The following ZMPSTE24 variants were observed in gnomAD, a reference collection of about 807,000 sequenced individuals.
The protein encoded by ZMPSTE24 is zinc metallopeptidase STE24.
In ZMPSTE24, 48 loss-of-function variants were observed where a neutral mutation model predicts 56.7. That is an observed-to-expected ratio of 0.85 (90% CI 0.67 to 1.08). ZMPSTE24 has a LOEUF of 1.08. Ranked by LOEUF, ZMPSTE24 falls within the 50% of genes least tolerant of loss-of-function variation. The pLI is 0.00. For synonymous variants in ZMPSTE24, 172 were observed against 195.2 expected, an observed-to-expected ratio of 0.88 and a Z score of 0.99; for missense variants, 503 against 548.7, an observed-to-expected ratio of 0.92 and a Z score of 0.83.
chr1:40,284,987 G>A lies in ZMPSTE24; in HGVS notation c.955-938G>A, dbSNP rs67833813. Among the ~76,000 whole-genome samples, 506 of 146,858 alleles carry A rather than the reference G, an allele frequency of 3.4e-3. 5 individuals carry two copies. The highest frequency in any genetic ancestry group is 0.019 in the South Asian group (88 of 4,676). ...TTCACCTAGGTTGGAGTACAGTGGC[G>A]TGATCTTGGCTCACTACAGACTACG... On this transcript the variant is annotated intron_variant, in intron 7 of 9. Coordinates refer to ENST00000372759, the MANE Select transcript of ZMPSTE24 (RefSeq NM_005857.5).
At position 40,285,093 on chromosome 1, in the gene ZMPSTE24, T is replaced by TTTA. The variant is rs148578925; in HGVS notation, c.955-805_955-803dup. Among the ~76,000 whole-genome samples, 695 of 144,732 alleles carry TTTA rather than the reference T, an allele frequency of 4.8e-3. 2 individuals are homozygous for TTTA. Among genetic ancestry groups the TTTA allele is most frequent in the East Asian group, 0.014 (68 of 4,912 alleles). 94.9% of individuals were successfully genotyped at this position (144,732 alleles called of 152,430 possible). On this transcript the variant is annotated intron_variant, in intron 7 of 9. Transcript: ENST00000372759. ...GGCATGCACCACCATGCCTGGCTAA[T>TTTA]TTATTATTATTATTATTATTATTAT...
rs999580994 is a variant in ZMPSTE24, at chr1:40,293,219, A to G, written c.*550A>G. The G allele has an allele frequency of 2.6e-5, 4 of 152,762 alleles. No homozygotes were observed. The highest frequency in any genetic ancestry group is 7.2e-5 in the African/African-American group (3 of 41,454). The allele number at this position is 152,762 out of a possible 1,614,324, so 9.5% of individuals were successfully genotyped here. A position where few individuals can be genotyped will look rare whatever the true frequency, so the allele number is the denominator to read the frequency against. On this transcript the variant is annotated 3_prime_UTR_variant, in exon 10 of 10. Coordinates refer to ENST00000372759, the MANE Select transcript of ZMPSTE24 (RefSeq NM_005857.5). ...AGAAAAATGCTCTCCTATTCTACCA[A>G]ATTTTTAATTTCTTTCTTCCCTTTC...
At chr1:40,267,898 GT>G in intron 3 of ZMPSTE24, 26 bp downstream of exon 3, 1 of 1,589,250 alleles carries the variant, frequency 6.3e-7, no homozygotes, top group Non-Finnish European at 8.6e-7. Context: ...GCATGTATTT[GT>G]CATGGTATTT....
chr1:40,273,533 AAAAAATATATAT>A (rs1643634090), intron 6 of ZMPSTE24, among the ~76,000 whole-genome samples: 1 of 57,104 alleles, frequency 1.8e-5, no homozygotes, highest in Non-Finnish European at 3.0e-5. Flanking sequence ...AAAAAAAAAA[AAAAAATATATAT>A]ATATATATAT....
chr1:40,261,660 C>T (rs948178510), intron 2 of ZMPSTE24, among the ~76,000 whole-genome samples: 5 of 152,042 alleles, frequency 3.3e-5, no homozygotes, highest in Admixed American at 2.6e-4. Context: ...GCATATAGTT[C>T]CTATTTATTG....
rs1232020650 is a variant in ZMPSTE24, at chr1:40,270,488, GAA to G, written c.627+363_627+364del. On this transcript the variant is annotated intron_variant, in intron 5 of 9. Transcript: ENST00000372759. ...CCTAAAATCATGGTTATTTTGAAGA[GAA>G]ATGAGATTTAAGAGGGACAAGAGAA... Among the ~76,000 whole-genome samples, 3 of 152,142 alleles carry G rather than the reference GAA, an allele frequency of 2.0e-5. No homozygotes were observed. The East Asian group carries it at 5.8e-4, about 29-fold the overall frequency.
intron 6 of ZMPSTE24, among the ~76,000 whole-genome samples, chr1:40,278,426 C>T (rs924500758): frequency 6.6e-6 from 1 of 150,748 alleles, no homozygotes; most frequent in South Asian, 2.1e-4. Flanking sequence ...GGCGTGGTAG[C>T]GGGCGCCTGT....
intron 6 of ZMPSTE24, among the ~76,000 whole-genome samples, chr1:40,280,615 A>G (rs1382183006): frequency 7.2e-5 from 11 of 151,986 alleles, no homozygotes; most frequent in African/African-American, 2.4e-4. Context: ...TGGTAGAGAC[A>G]GGGTTTCACC....
chr1:40,259,250 TAAA>T (rs1041504861), intron 1 of ZMPSTE24: 2 of 152,158 alleles, frequency 1.3e-5, no homozygotes, highest in African/African-American at 4.8e-5. Flanking sequence ...AATGGTAAAA[TAAA>T]AAGTGAAAGT....
Position 40,281,484 on chromosome 1 carries a change from A to T in ZMPSTE24, c.911A>T (p.Asn304Ile), listed in dbSNP as rs915948366. ...GAGGATTCTGGCATGGAACCCCGCA[A>T]TGAGGAAGAAGGGAACAGTGAAGAA... is the stretch of plus-strand genomic sequence containing the variant. ...IQEDSGMEPR[N>I]EEEGNSEEIK... Residue 304 changes from asparagine (N) to isoleucine (I), a missense_variant, in exon 7 of 10, where the codon AAT (asparagine) becomes ATT (isoleucine). Transcript: ENST00000372759. The T allele has an allele frequency of 6.2e-7, 1 of 1,614,134 alleles. No individual in the cohort carries two copies. Among genetic ancestry groups the T allele is most frequent in the Admixed American group, 1.7e-5 (1 of 60,034 alleles).
intron 6 of ZMPSTE24, among the ~76,000 whole-genome samples, chr1:40,277,465 G>A (rs1446810298): frequency 6.6e-6 from 1 of 152,120 alleles, no homozygotes; most frequent in Non-Finnish European, 1.5e-5. Flanking sequence ...CATTCCCAGA[G>A]ATTCTGACTT....
At chr1:40,279,483 G>GCAATATTCT (rs1415317088) in intron 6 of ZMPSTE24, among the ~76,000 whole-genome samples, 13 of 152,126 alleles carry the variant, frequency 8.5e-5, no homozygotes, top group Admixed American at 2.6e-4. Flanking sequence ...ATTTCTGTAG[G>GCAATATTCT]GTAAAACTCT....
chr1:40,267,004 G>A (rs1353809716), intron 2 of ZMPSTE24, among the ~76,000 whole-genome samples: 1 of 138,136 alleles, frequency 7.2e-6, no homozygotes, highest in East Asian at 2.1e-4. Flanking sequence ...CTGAGCACAA[G>A]CAATCTGCCT....
chr1:40,268,133 A>G (rs995157149), intron 3 of ZMPSTE24, among the ~76,000 whole-genome samples: 1 of 152,226 alleles, frequency 6.6e-6, no homozygotes, highest in African/African-American at 2.4e-5. Flanking sequence ...ACTTTCTTCC[A>G]TGTGGTAAGC....
Position 40,293,789 on chromosome 1 carries a change from A to G in ZMPSTE24, c.*1120A>G, listed in dbSNP as rs544824256. 27 of 152,312 alleles carry G rather than the reference A, an allele frequency of 1.8e-4. No individual in the cohort carries two copies. The highest frequency in any genetic ancestry group is 5.1e-4 in the African/African-American group (21 of 41,568). 9.4% of individuals were successfully genotyped at this position (152,312 alleles called of 1,614,324 possible). A position where few individuals can be genotyped will look rare whatever the true frequency, so the allele number is the denominator to read the frequency against. ...TGAATGATTTCCAGTTTTTAAAGCTATATGTTTCACTGCTTCATATCTCTG... is the reference window on the plus strand; with the variant it reads ...TGAATGATTTCCAGTTTTTAAAGCTGTATGTTTCACTGCTTCATATCTCTG... On this transcript the variant is annotated 3_prime_UTR_variant, in exon 10 of 10. Coordinates refer to ENST00000372759, the MANE Select transcript of ZMPSTE24 (RefSeq NM_005857.5).
intron 6 of ZMPSTE24, among the ~76,000 whole-genome samples, chr1:40,272,305 TG>T (rs1643621335): frequency 6.6e-6 from 1 of 152,248 alleles, no homozygotes; most frequent in Non-Finnish European, 1.5e-5. Flanking sequence ...TTTAAATTTT[TG>T]GCCAAGGCTT....
At chr1:40,289,398 T>C (rs1643817697) in intron 8 of ZMPSTE24, among the ~76,000 whole-genome samples, 1 of 152,206 alleles carries the variant, frequency 6.6e-6, no homozygotes, top group Admixed American at 6.5e-5. Context: ...CCAAAAGTTA[T>C]TTTTCAAAAG....
intron 3 of ZMPSTE24, 133 bp from the exon 4 acceptor site, chr1:40,268,268 TTTGAAGGCAGGGATGATA>T: frequency 1.5e-6 from 1 of 669,008 alleles, no homozygotes; most frequent in East Asian, 2.5e-5. Context: ...AGTAAACTTT[TTTGAAGGCAGGGATGATA>T]TTTCAGACCT....
intron 2 of ZMPSTE24, 146 bp downstream of exon 2, chr1:40,261,131 A>G: frequency 1.0e-6 from 1 of 990,010 alleles, no homozygotes; most frequent in South Asian, 1.3e-5. Context: ...GGAGCAAAAA[A>G]GACAGAAACA....
Sources: allele counts gnomAD v4.1 joint callset (sites outside exome capture counted in the v4.1 genomes callset), GRCh38; gene constraint gnomAD v4.1.1; transcripts MANE v1.5; gene names NCBI Gene and HGNC (gene_info 2026-07-23, HGNC 2026-07-21).